WDR41: variants seen among roughly 807,000 people sequenced by gnomAD.
WDR41 encodes the protein WD repeat-containing protein 41.
In WDR41, 63 loss-of-function variants were observed where a neutral mutation model predicts 69.3. That is an observed-to-expected ratio of 0.91 (90% CI 0.74 to 1.12). The LOEUF (loss-of-function observed/expected upper bound fraction) is 1.12, where lower values mean the gene tolerates loss of function less well. Ranked by LOEUF, WDR41 falls within the 50% of genes most tolerant of loss-of-function variation. WDR41 has a pLI of 0.00. For missense variants in WDR41, 543 were observed against 534.5 expected, an observed-to-expected ratio of 1.02 and a Z score of -0.16; for synonymous variants, 185 against 192.1, an observed-to-expected ratio of 0.96 and a Z score of 0.31.
chr5:77,498,205 T>C (rs1801963119), intron 1 of WDR41, among the ~76,000 whole-genome samples: 1 of 152,186 alleles, frequency 6.6e-6, no homozygotes, highest in African/African-American at 2.4e-5. Context: ...TTAATGTCAC[T>C]GAATTGTACA....
rs533295423 is a variant in WDR41, at chr5:77,464,722, A to AT, written c.216+38dup. 466 of 1,599,814 alleles carry AT rather than the reference A, an allele frequency of 2.9e-4. No homozygotes were observed. In the African/African-American group the frequency reaches 5.2e-3, roughly 18 times the overall value. On this transcript the variant is annotated intron_variant, in intron 3 of 12. Coordinates refer to ENST00000296679, the MANE Select transcript of WDR41 (RefSeq NM_018268.4). ...TGAATACATACTCAACTACATCATCATATCTTTATCACACAATCCACACAT... is the reference window on the plus strand; with the variant it reads ...TGAATACATACTCAACTACATCATCATTATCTTTATCACACAATCCACACAT...
At chr5:77,510,973 C>T (rs1012397117) in intron 1 of WDR41, among the ~76,000 whole-genome samples, 11 of 151,984 alleles carry the variant, frequency 7.2e-5, no homozygotes, top group Non-Finnish European at 1.3e-4. Context: ...CCATGTTGGT[C>T]AGGCTGGTCT....
chr5:77,497,205 G>A (rs1302349242), upstream of WDR41, among the ~76,000 whole-genome samples: 1 of 151,966 alleles, frequency 6.6e-6, no homozygotes, highest in African/African-American at 2.4e-5. Context: ...ATTTAGTGGC[G>A]GTGACACCAA....
At chr5:77,609,935 G>A (rs1366291765) in intron 1 of WDR41, among the ~76,000 whole-genome samples, 2 of 152,128 alleles carry the variant, frequency 1.3e-5, no homozygotes, top group Non-Finnish European at 2.9e-5. Context: ...TGTATAACTA[G>A]AATAACCAAT....
chr5:77,465,570 A>G (rs1800267863), intron 2 of WDR41, among the ~76,000 whole-genome samples: 1 of 152,122 alleles, frequency 6.6e-6, no homozygotes, highest in African/African-American at 2.4e-5. Flanking sequence ...CCATCTTATT[A>G]TACTAACGCA....
At chr5:77,595,527 T>C (rs1744211878) in intron 1 of WDR41, among the ~76,000 whole-genome samples, 1 of 152,196 alleles carries the variant, frequency 6.6e-6, no homozygotes, top group Non-Finnish European at 1.5e-5. Flanking sequence ...GGCTATTGAT[T>C]TACTTTGTTT....
intron 1 of WDR41, among the ~76,000 whole-genome samples, chr5:77,595,037 A>AT (rs1744200498): frequency 6.6e-6 from 1 of 152,176 alleles, no homozygotes; most frequent in African/African-American, 2.4e-5. Context: ...GAGAGAAAAC[A>AT]TTTTTTAATT....
chr5:77,582,923 G>A (rs982186350), intron 1 of WDR41: 1 of 1,609,474 alleles, frequency 6.2e-7, no homozygotes, highest in Admixed American at 1.7e-5. Context: ...GGTAAATACG[G>A]CATTATCTGC....
At chr5:77,584,917 G>C (rs562736597) in intron 1 of WDR41, among the ~76,000 whole-genome samples, 4 of 152,172 alleles carry the variant, frequency 2.6e-5, no homozygotes, top group African/African-American at 7.2e-5. Flanking sequence ...GCTTAGGCAA[G>C]GATTTCATGA....
At chr5:77,502,170 T>A (rs1802026083) in intron 1 of WDR41, among the ~76,000 whole-genome samples, 2 of 152,094 alleles carry the variant, frequency 1.3e-5, no homozygotes, top group Admixed American at 6.6e-5. Context: ...ATAGAGAAGA[T>A]CTTAAATGAC....
At chr5:77,455,630 A>G (rs1799798528) in intron 5 of WDR41, among the ~76,000 whole-genome samples, 1 of 152,148 alleles carries the variant, frequency 6.6e-6, no homozygotes, top group Non-Finnish European at 1.5e-5. Flanking sequence ...TTTGGATATG[A>G]TATGTGGTAG....
chr5:77,516,236 C>A, intron 1 of WDR41, among the ~76,000 whole-genome samples: 1 of 152,004 alleles, frequency 6.6e-6, no homozygotes, highest in East Asian at 1.9e-4. Flanking sequence ...TAGTTATAGG[C>A]TGGATATTTT....
chr5:77,569,479 A>T (rs1328868812), intron 1 of WDR41, among the ~76,000 whole-genome samples: 1 of 152,120 alleles, frequency 6.6e-6, no homozygotes, highest in Non-Finnish European at 1.5e-5. Flanking sequence ...CCTATCAACC[A>T]CCCAGAGCTC....
intron 2 of WDR41, among the ~76,000 whole-genome samples, chr5:77,472,506 AT>A (rs980981273): frequency 6.6e-6 from 1 of 151,760 alleles, no homozygotes; most frequent in African/African-American, 2.4e-5. Context: ...AGATGACATG[AT>A]TGTATATCTA....
intron 1 of WDR41, among the ~76,000 whole-genome samples, chr5:77,580,249 C>T (rs1217718863): frequency 6.6e-6 from 1 of 152,124 alleles, no homozygotes; most frequent in Non-Finnish European, 1.5e-5. Flanking sequence ...ACTCACAGTT[C>T]AGTATGGCTG....
At chr5:77,558,503 A>G (rs1224318262) in intron 1 of WDR41, among the ~76,000 whole-genome samples, 1 of 152,142 alleles carries the variant, frequency 6.6e-6, no homozygotes, top group East Asian at 1.9e-4. Context: ...ACTGGGCCCT[A>G]CTTATTTTTA....
At chr5:77,497,343 C>T (rs1346883502) in intron 1 of WDR41, among the ~76,000 whole-genome samples, 1 of 152,022 alleles carries the variant, frequency 6.6e-6, no homozygotes, top group African/African-American at 2.4e-5. Flanking sequence ...GCAAATCATA[C>T]ATCTGATAAG....
chr5:77,597,248 A>G (rs576480659), intron 1 of WDR41, among the ~76,000 whole-genome samples: 1 of 152,200 alleles, frequency 6.6e-6, no homozygotes, highest in Non-Finnish European at 1.5e-5. Context: ...TAATAAGCCT[A>G]TAATTCTTTG....
intron 1 of WDR41, among the ~76,000 whole-genome samples, chr5:77,580,784 T>A (rs1437605017): frequency 6.6e-6 from 1 of 151,702 alleles, no homozygotes; most frequent in Non-Finnish European, 1.5e-5. Context: ...TGAAACCTCA[T>A]CTCTACTAAA....
Sources: gnomAD v4.1 joint callset for allele counts (sites outside exome capture counted in the v4.1 genomes callset) on GRCh38, gnomAD v4.1.1 for gene constraint, MANE v1.5 for transcripts, NCBI Gene and HGNC (gene_info 2026-07-23, HGNC 2026-07-21) for gene names.